RORB: variants seen among roughly 807,000 people sequenced by gnomAD.
The protein encoded by RORB is nuclear receptor ROR-beta.
Under a neutral mutation model 59.1 loss-of-function variants are expected in RORB, and 6 were observed. The ratio of observed to expected loss-of-function variants is 0.10; its 90% CI spans 0.06 to 0.20. The LOEUF is 0.20. Ranked by LOEUF, RORB falls within the 10% of genes least tolerant of loss-of-function variation. The pLI is 1.00. For synonymous variants in RORB, 215 were observed against 204.5 expected (o/e 1.05, Z -0.44); for missense variants, 320 against 560.5 (o/e 0.57, Z 4.33).
At chr9:74,610,008 G>A (rs1325820324) in intron 1 of RORB, among the ~76,000 whole-genome samples, 3 of 152,306 alleles carry the variant, frequency 2.0e-5, no homozygotes, top group East Asian at 1.9e-4. Flanking sequence ...TCTAGAACCT[G>A]CCTTTTGGCA....
rs574941892 is a variant in RORB at position 74,547,281 on chromosome 9, T to C, written c.7+49298T>C. Among the ~76,000 whole-genome samples, 6 of 152,114 alleles carry C rather than the reference T, an allele frequency of 3.9e-5. No individual in the cohort carries two copies. In the East Asian group the frequency reaches 1.2e-3, roughly 29 times the overall value. ...GAGGTGTCAGGAACCTGGCTTTAAATAAGGTGGTGGTTTGAACTTGGAGGG... is the reference window on the plus strand; with the variant it reads ...GAGGTGTCAGGAACCTGGCTTTAAACAAGGTGGTGGTTTGAACTTGGAGGG... On this transcript the variant is annotated intron_variant, in intron 1 of 9. Coordinates refer to ENST00000376896, the MANE Select transcript of RORB (RefSeq NM_006914.4).
At chr9:74,575,026 AC>A (rs1472383755) in intron 1 of RORB, among the ~76,000 whole-genome samples, 4 of 152,150 alleles carry the variant, frequency 2.6e-5, no homozygotes, top group Non-Finnish European at 4.4e-5. Context: ...AATTGAAGTT[AC>A]ATAAAGTGTG....
intron 1 of RORB, chr9:74,615,610 A>C (rs1823300732): frequency 2.2e-6 from 1 of 454,836 alleles, no homozygotes; most frequent in Non-Finnish European, 4.4e-6. Context: ...ATGTGTGAGA[A>C]CCAGCTCAAA....
intron 1 of RORB, among the ~76,000 whole-genome samples, chr9:74,600,761 A>G (rs1421986168): frequency 6.6e-6 from 1 of 152,230 alleles, no homozygotes; most frequent in Non-Finnish European, 1.5e-5. Context: ...CATCTTCTAC[A>G]TTGATAATTA....
At chr9:74,584,380 T>G (rs750601438) in intron 1 of RORB, among the ~76,000 whole-genome samples, 1 of 152,252 alleles carries the variant, frequency 6.6e-6, no homozygotes, top group Non-Finnish European at 1.5e-5. Context: ...AGTTTTCTTA[T>G]GCAAAATGGG....
At chr9:74,629,277 T>C (rs1467044289) in intron 1 of RORB, among the ~76,000 whole-genome samples, 1 of 151,268 alleles carries the variant, frequency 6.6e-6, no homozygotes, top group Non-Finnish European at 1.5e-5. Context: ...AAACTCACCT[T>C]TCTAAGGTGA....
intron 1 of RORB, among the ~76,000 whole-genome samples, chr9:74,613,633 T>C (rs747086057): frequency 1.3e-5 from 2 of 152,186 alleles, no homozygotes; most frequent in Non-Finnish European, 2.9e-5. Flanking sequence ...CTCTCTGGGT[T>C]ATTCCAATGG....
chr9:74,498,123 G>A (rs1352058250), intron 1 of RORB, 140 bp downstream of exon 1: 5 of 943,742 alleles, frequency 5.3e-6, no homozygotes, highest in Non-Finnish European at 8.1e-6. Flanking sequence ...CTCGCAGGTG[G>A]GGCTGCAAAT....
At chr9:74,645,871 A>G (rs1205293881) in intron 4 of RORB, among the ~76,000 whole-genome samples, 1 of 152,090 alleles carries the variant, frequency 6.6e-6, no homozygotes, top group African/African-American at 2.4e-5. Flanking sequence ...CCTCCCACCA[A>G]TGGCAGCTCC....
chr9:74,662,757 TAA>T lies in RORB; in HGVS notation c.892+155_892+156del. The T allele has an allele frequency of 2.1e-5, 16 of 768,820 alleles. No individual in the cohort carries two copies. In the South Asian group the frequency reaches 2.9e-4, roughly 14 times the overall value. The allele number at this position is 768,820 out of a possible 1,614,324, so 47.6% of individuals were successfully genotyped here. A position where few individuals can be genotyped will look rare whatever the true frequency, so the allele number is the denominator to read the frequency against. ...AACTCCCAAAGGAAACTCTCAGTAA[TAA>T]AAATGCCCTGATACTCATTCAGTTC... On this transcript the variant is annotated intron_variant, in intron 6 of 9. Transcript: ENST00000376896.
chr9:74,635,795 A>G (rs12348540), intron 3 of RORB, among the ~76,000 whole-genome samples: 5,686 of 152,220 alleles, frequency 0.037, 338 homozygotes, highest in African/African-American at 0.13. Context: ...GTATAGACAC[A>G]CACAAAACAA....
At chr9:74,571,792 G>A (rs1021742917) in intron 1 of RORB, among the ~76,000 whole-genome samples, 1 of 152,124 alleles carries the variant, frequency 6.6e-6, no homozygotes, top group East Asian at 1.9e-4. Flanking sequence ...ATATAGCCCT[G>A]TTCTCGTAGA....
intron 1 of RORB, among the ~76,000 whole-genome samples, chr9:74,555,345 A>G (rs780044674): frequency 8.5e-5 from 13 of 152,348 alleles, no homozygotes; most frequent in Non-Finnish European, 1.8e-4. Context: ...TAGCCTGAGA[A>G]GCAGCCAGTA....
At chr9:74,548,434 C>G (rs1423452577) in intron 1 of RORB, among the ~76,000 whole-genome samples, 1 of 152,132 alleles carries the variant, frequency 6.6e-6, no homozygotes. Context: ...AGGGACAAAC[C>G]CTACACTGGA....
At chr9:74,557,634 C>G (rs931216259) in intron 1 of RORB, among the ~76,000 whole-genome samples, 16 of 152,064 alleles carry the variant, frequency 1.1e-4, no homozygotes, top group African/African-American at 3.6e-4. Flanking sequence ...AATGGTTTTG[C>G]TTTTACAGAA....
rs1360796444 is a variant in RORB at position 74,691,441 on chromosome 9, C to G, written c.*5823C>G. 1 of 152,118 alleles carries G rather than the reference C, an allele frequency of 6.6e-6. No individual in the cohort carries two copies. Among genetic ancestry groups the G allele is most frequent in the South Asian group, 2.1e-4 (1 of 4,804 alleles). The allele number at this position is 152,118 out of a possible 1,614,324, so 9.4% of individuals were successfully genotyped here. A position where few individuals can be genotyped will look rare whatever the true frequency, so the allele number is the denominator to read the frequency against. On this transcript the variant is annotated 3_prime_UTR_variant, in exon 10 of 10. Coordinates refer to ENST00000376896, the MANE Select transcript of RORB (RefSeq NM_006914.4). ...CAAATCCCACATCCAAGCACAGTAC[C>G]GTCTGCTTCATCTGATTAACACACA...
rs142068530 is a variant in RORB at position 74,588,313 on chromosome 9, C to T, written c.8-41969C>T. ...ACTCTAATATTCTTTAACTATAAGA[C>T]ATCTGGAATATGTAGAACAGTACAA... is the stretch of plus-strand genomic sequence containing the variant. On this transcript the variant is annotated intron_variant, in intron 1 of 9. Transcript: ENST00000376896. Among the ~76,000 whole-genome samples, 4 of 152,242 alleles carry T rather than the reference C, an allele frequency of 2.6e-5. No individual in the cohort carries two copies. In the East Asian group the frequency reaches 7.7e-4, roughly 29 times the overall value.
chr9:74,680,494 T>C (rs1327885744), intron 9 of RORB, among the ~76,000 whole-genome samples: 4 of 152,166 alleles, frequency 2.6e-5, no homozygotes, highest in Non-Finnish European at 1.5e-5. Flanking sequence ...CTGAGTCAAA[T>C]GTCCACTTCC....
chr9:74,604,675 A>G (rs1823123172), intron 1 of RORB, among the ~76,000 whole-genome samples: 1 of 152,204 alleles, frequency 6.6e-6, no homozygotes, highest in African/African-American at 2.4e-5. Context: ...AATTATTTCT[A>G]CTTGGCAATT....
Sources: allele counts gnomAD v4.1 joint callset (sites outside exome capture counted in the v4.1 genomes callset), GRCh38; gene constraint gnomAD v4.1.1; transcripts MANE v1.5; gene names NCBI Gene and HGNC (gene_info 2026-07-23, HGNC 2026-07-21).